ASIC2: variants seen among roughly 807,000 people sequenced by gnomAD.
The protein encoded by ASIC2 is acid sensing ion channel subunit 2, also known as acid-sensing ion channel 2.
ASIC2 carries 25 observed loss-of-function variants against 57.3 expected under a neutral mutation model. That is an observed-to-expected ratio of 0.44 (90% CI 0.32 to 0.61). The LOEUF is 0.61. ASIC2 is among the 20% of genes least tolerant of loss of function. ASIC2 has a pLI of 0.06. For missense variants in ASIC2, 641 were observed against 738.1 expected (o/e 0.87, Z 1.52); for synonymous variants, 319 against 307.5 (o/e 1.04, Z -0.39).
At chr17:34,154,786 C>T (rs114731414) in intron 1 of ASIC2, among the ~76,000 whole-genome samples, 8 of 152,168 alleles carry the variant, frequency 5.3e-5, no homozygotes, top group Non-Finnish European at 7.3e-5. Context: ...TTTGGCTCAA[C>T]GTTCTGAGAC....
At chr17:33,363,427 T>G (rs7223760) in intron 1 of ASIC2, among the ~76,000 whole-genome samples, 2,348 of 152,350 alleles carry the variant, frequency 0.015, 57 homozygotes, top group African/African-American at 0.054. Flanking sequence ...AGAGAAAAAC[T>G]GAGATTTTAT....
chr17:33,099,095 C>T (rs543198660), intron 2 of ASIC2, among the ~76,000 whole-genome samples: 79 of 151,922 alleles, frequency 5.2e-4, no homozygotes, highest in Non-Finnish European at 2.1e-4. Flanking sequence ...CAGGTTCAAG[C>T]GACTCTCCTG....
intron 1 of ASIC2, among the ~76,000 whole-genome samples, chr17:33,865,085 C>T (rs1293226814): frequency 6.6e-6 from 1 of 152,162 alleles, no homozygotes; most frequent in East Asian, 1.9e-4. Flanking sequence ...GCCTTTCCAA[C>T]ATTTAATTAC....
chr17:33,785,682 C>T (rs1042914727), intron 1 of ASIC2, among the ~76,000 whole-genome samples: 26 of 152,184 alleles, frequency 1.7e-4, no homozygotes, highest in African/African-American at 1.9e-4. Flanking sequence ...GTACTTGAGT[C>T]ATCAATATTC....
intron 1 of ASIC2, among the ~76,000 whole-genome samples, chr17:33,547,061 T>G (rs1333210988): frequency 6.6e-6 from 1 of 152,168 alleles, no homozygotes; most frequent in Non-Finnish European, 1.5e-5. Context: ...TAAAAAAGGT[T>G]GCCAGGCCCT....
At chr17:33,087,923 A>C (rs1193240777) in intron 3 of ASIC2, among the ~76,000 whole-genome samples, 1 of 152,304 alleles carries the variant, frequency 6.6e-6, no homozygotes, top group African/African-American at 2.4e-5. Flanking sequence ...GATCAGTACC[A>C]GATGAAAGAT....
At chr17:33,648,599 C>G (rs770174696) in intron 1 of ASIC2, among the ~76,000 whole-genome samples, 1 of 152,186 alleles carries the variant, frequency 6.6e-6, no homozygotes, top group Admixed American at 6.5e-5. Context: ...CTTCTACATG[C>G]GCAGCCTGCA....
At chr17:33,626,177 A>C (rs1257141330) in intron 1 of ASIC2, among the ~76,000 whole-genome samples, 1 of 152,142 alleles carries the variant, frequency 6.6e-6, no homozygotes, top group Non-Finnish European at 1.5e-5. Context: ...TAACTTAAGG[A>C]GCTTTGAATG....
At chr17:33,422,598 A>T (rs1567856022) in intron 1 of ASIC2, among the ~76,000 whole-genome samples, 1 of 152,138 alleles carries the variant, frequency 6.6e-6, no homozygotes, top group African/African-American at 2.4e-5. Context: ...TCTGGAAATG[A>T]GGGTCTTTCC....
chr17:33,416,504 C>A (rs1910845567), intron 1 of ASIC2, among the ~76,000 whole-genome samples: 3 of 152,186 alleles, frequency 2.0e-5, no homozygotes, highest in Admixed American at 6.5e-5. Flanking sequence ...GCCTGGAGGG[C>A]AGTCCCTGAT....
At chr17:33,059,999 A>T (rs1316988511) in intron 3 of ASIC2, among the ~76,000 whole-genome samples, 1 of 151,698 alleles carries the variant, frequency 6.6e-6, no homozygotes, top group Admixed American at 6.6e-5. Context: ...CCACTTTTTG[A>T]TGGGGTTGTT....
At chr17:33,537,209 G>A (rs1179621297) in intron 1 of ASIC2, among the ~76,000 whole-genome samples, 4 of 152,084 alleles carry the variant, frequency 2.6e-5, no homozygotes, top group African/African-American at 7.2e-5. Context: ...TGGGGTGGTG[G>A]TGTATCTGTT....
intron 1 of ASIC2, among the ~76,000 whole-genome samples, chr17:33,921,122 A>G (rs1208010290): frequency 2.0e-5 from 3 of 152,234 alleles, no homozygotes; most frequent in Non-Finnish European, 4.4e-5. Flanking sequence ...ATGAAATTAA[A>G]TGACCCTCCC....
intron 1 of ASIC2, among the ~76,000 whole-genome samples, chr17:33,860,927 A>T (rs997433720): frequency 1.3e-5 from 2 of 152,368 alleles, no homozygotes; most frequent in African/African-American, 4.8e-5. Flanking sequence ...CTCTGTCTTT[A>T]GCAGCCTTGG....
At chr17:33,638,677 T>C (rs1906453035) in intron 1 of ASIC2, among the ~76,000 whole-genome samples, 1 of 152,144 alleles carries the variant, frequency 6.6e-6, no homozygotes, top group African/African-American at 2.4e-5. Flanking sequence ...AACAGAGAGA[T>C]GGGTATAGCA....
chr17:34,044,415 T>C (rs547032753), intron 1 of ASIC2, among the ~76,000 whole-genome samples: 2 of 152,204 alleles, frequency 1.3e-5, no homozygotes, highest in East Asian at 3.9e-4. Context: ...TCATCCTTAA[T>C]CTCGAGGGCT....
At chr17:34,065,005 T>G (rs1215971158) in intron 1 of ASIC2, among the ~76,000 whole-genome samples, 1 of 152,210 alleles carries the variant, frequency 6.6e-6, no homozygotes, top group Non-Finnish European at 1.5e-5. Context: ...GAACTACCAT[T>G]GGATCCAGCA....
At chr17:34,106,791 A>G (rs1340539028) in intron 1 of ASIC2, among the ~76,000 whole-genome samples, 1 of 152,146 alleles carries the variant, frequency 6.6e-6, no homozygotes, top group Non-Finnish European at 1.5e-5. Context: ...CTACATAGTG[A>G]GATATTCCAG....
chr17:33,260,794 T>G (rs1251187859), intron 1 of ASIC2, among the ~76,000 whole-genome samples: 1 of 152,144 alleles, frequency 6.6e-6, no homozygotes, highest in Non-Finnish European at 1.5e-5. Context: ...CCACCACCCC[T>G]TGCTGACTGG....
Sources: gnomAD v4.1 joint callset for allele counts (sites outside exome capture counted in the v4.1 genomes callset) on GRCh38, gnomAD v4.1.1 for gene constraint, MANE v1.5 for transcripts, NCBI Gene and HGNC (gene_info 2026-07-23, HGNC 2026-07-21) for gene names.